ZC2HC1A: variants seen among roughly 807,000 people sequenced by gnomAD.
ZC2HC1A encodes the protein zinc finger C2HC domain-containing protein 1A.
Under a neutral mutation model 40.7 loss-of-function variants are expected in ZC2HC1A, and 28 were observed. That is an observed-to-expected ratio of 0.69 (90% CI 0.51 to 0.94). The LOEUF is 0.94. Ranked by LOEUF, ZC2HC1A falls within the 40% of genes least tolerant of loss-of-function variation. The probability of loss-of-function intolerance (pLI) is 0.00; values close to 1 mark genes in which losing one functional copy is unlikely to be tolerated. For missense variants in ZC2HC1A, 389 were observed against 386.3 expected (o/e 1.01, Z -0.06); for synonymous variants, 129 against 129.2 (o/e 1.00, Z 0.01).
Position 78,689,328 on chromosome 8 carries a change from A to AT in ZC2HC1A, c.463dup (p.Ser155PhefsTer16). On this transcript the variant is annotated frameshift_variant, in exon 5 of 9. Coordinates refer to ENST00000263849, the MANE Select transcript of ZC2HC1A (RefSeq NM_016010.3). LOFTEE classifies it high-confidence loss of function. The stretch of plus-strand genomic sequence containing the variant: ...CAGCACGTATTAGTAATAAAGGGAA[A>AT]TTTTCTACAGATACCAAAGGAAAAC... 1 of 1,603,638 alleles carries AT rather than the reference A, an allele frequency of 6.2e-7. No individual in the cohort carries two copies. The highest frequency in any genetic ancestry group is 2.3e-5 in the East Asian group (1 of 44,220).
intron 7 of ZC2HC1A, among the ~76,000 whole-genome samples, chr8:78,701,774 G>A (rs1160378041): frequency 3.3e-5 from 5 of 152,122 alleles, no homozygotes; most frequent in Non-Finnish European, 7.4e-5. Flanking sequence ...CTTTAATTTT[G>A]TTGTGATGAA....
chr8:78,702,187 G>A (rs1810626513), intron 7 of ZC2HC1A, among the ~76,000 whole-genome samples: 1 of 152,036 alleles, frequency 6.6e-6, no homozygotes, highest in Non-Finnish European at 1.5e-5. Context: ...TTTCTTCCTG[G>A]TTCAGTCTTG....
Position 78,668,870 on chromosome 8 carries a change from G to A in ZC2HC1A, c.16+2706G>A, listed in dbSNP as rs142049373. Among the ~76,000 whole-genome samples the A allele has an allele frequency of 1.3e-5, 2 of 151,532 alleles. 1 individual carries two copies. Among genetic ancestry groups the A allele is most frequent in the Non-Finnish European group, 3.0e-5 (2 of 67,672 alleles). On this transcript the variant is annotated intron_variant, in intron 1 of 8. Coordinates refer to ENST00000263849, the MANE Select transcript of ZC2HC1A (RefSeq NM_016010.3). Reference sequence around the variant, plus strand: ...AAAATGGAGAGATGGTAAAATCTAAGCAGATTTTATCCTTATATACAGTAT... The same window carrying A: ...AAAATGGAGAGATGGTAAAATCTAAACAGATTTTATCCTTATATACAGTAT...
At chr8:78,684,559 T>C (rs148538323) in intron 3 of ZC2HC1A, among the ~76,000 whole-genome samples, 2 of 152,278 alleles carry the variant, frequency 1.3e-5, no homozygotes, top group African/African-American at 2.4e-5. Flanking sequence ...TCAATAGATA[T>C]TTGAAAAGAC....
chr8:78,705,309 C>G (rs1810736037), intron 7 of ZC2HC1A, among the ~76,000 whole-genome samples: 1 of 152,154 alleles, frequency 6.6e-6, no homozygotes, highest in South Asian at 2.1e-4. Context: ...TTTTTTTGAA[C>G]AACTCTGGCT....
At chr8:78,698,838 C>T (rs918269642) in intron 7 of ZC2HC1A, among the ~76,000 whole-genome samples, 1 of 152,124 alleles carries the variant, frequency 6.6e-6, no homozygotes, top group African/African-American at 2.4e-5. Flanking sequence ...GTATCAGGCA[C>T]TGTGCTAGAC....
chr8:78,666,125 C>A lies in ZC2HC1A; in HGVS notation c.-24C>A. ...GTGGCGGGCGCTGCTGAAGGAGTCTCGCTGAGCTCGAGGAGGTGGCGCGAT... is the reference window on the plus strand; with the variant it reads ...GTGGCGGGCGCTGCTGAAGGAGTCTAGCTGAGCTCGAGGAGGTGGCGCGAT... On this transcript the variant is annotated 5_prime_UTR_variant, in exon 1 of 9. Coordinates refer to ENST00000263849, the MANE Select transcript of ZC2HC1A (RefSeq NM_016010.3). 7 of 1,564,422 alleles carry A rather than the reference C, an allele frequency of 4.5e-6. No individual in the cohort carries two copies. The highest frequency in any genetic ancestry group is 6.1e-6 in the Non-Finnish European group (7 of 1,154,456).
chr8:78,666,491 G>A (rs1563616153), intron 1 of ZC2HC1A, among the ~76,000 whole-genome samples: 1 of 152,160 alleles, frequency 6.6e-6, no homozygotes, highest in Non-Finnish European at 1.5e-5. Flanking sequence ...AGTGATCCCA[G>A]TCTCTGGCCA....
At chr8:78,714,506 C>G (rs1811038496) in intron 7 of ZC2HC1A, among the ~76,000 whole-genome samples, 1 of 152,106 alleles carries the variant, frequency 6.6e-6, no homozygotes, top group African/African-American at 2.4e-5. Context: ...CTCAGACTTG[C>G]TGTCACAAAG....
chr8:78,697,268 A>G, intron 5 of ZC2HC1A, 139 bp from the exon 6 acceptor site: 1 of 640,764 alleles, frequency 1.6e-6, no homozygotes, highest in South Asian at 2.3e-5. Context: ...TGCAACCATC[A>G]TCACCATTCA....
intron 1 of ZC2HC1A, among the ~76,000 whole-genome samples, chr8:78,668,768 C>T (rs1184432712): frequency 6.6e-6 from 1 of 152,140 alleles, no homozygotes; most frequent in Non-Finnish European, 1.5e-5. Context: ...TTGTGCCCCA[C>T]AAAATCTATC....
At chr8:78,716,188 T>C (rs1811095811) in intron 8 of ZC2HC1A, among the ~76,000 whole-genome samples, 1 of 151,488 alleles carries the variant, frequency 6.6e-6, no homozygotes, top group Non-Finnish European at 1.5e-5. Flanking sequence ...AGTGGCGCAA[T>C]CTCGGCTCAC....
At chr8:78,686,193 C>T (rs1161271382) in intron 3 of ZC2HC1A, among the ~76,000 whole-genome samples, 1 of 152,090 alleles carries the variant, frequency 6.6e-6, no homozygotes, top group African/African-American at 2.4e-5. Flanking sequence ...ACCACAGCAA[C>T]AGTCTTAGTG....
Position 78,718,394 on chromosome 8 carries a change from T to C in ZC2HC1A, c.*901T>C, listed in dbSNP as rs1337960801. On this transcript the variant is annotated 3_prime_UTR_variant, in exon 9 of 9. Coordinates refer to ENST00000263849, the MANE Select transcript of ZC2HC1A (RefSeq NM_016010.3). ...TTAAAAACATATAATTTTTTGTATC[T>C]GAATTTAGAATAAATCATTTTAATG... The C allele has an allele frequency of 6.6e-6, 1 of 151,980 alleles. No homozygotes were observed. The highest frequency in any genetic ancestry group is 2.4e-5 in the African/African-American group (1 of 41,456). The allele number at this position is 151,980 out of a possible 1,614,324, so 9.4% of individuals were successfully genotyped here.
chr8:78,708,583 A>G (rs1810855062), intron 7 of ZC2HC1A, among the ~76,000 whole-genome samples: 2 of 152,012 alleles, frequency 1.3e-5, no homozygotes, highest in Non-Finnish European at 2.9e-5. Context: ...AATCAAATCA[A>G]TTTCTAGGTC....
chr8:78,673,572 C>T (rs1410927087), intron 1 of ZC2HC1A, among the ~76,000 whole-genome samples: 1 of 152,158 alleles, frequency 6.6e-6, no homozygotes, highest in Non-Finnish European at 1.5e-5. Context: ...TCCTCTCCAA[C>T]ATCTGTTGTT....
intron 1 of ZC2HC1A, among the ~76,000 whole-genome samples, chr8:78,667,221 T>C (rs1314337107): frequency 6.6e-6 from 1 of 152,188 alleles, no homozygotes; most frequent in Non-Finnish European, 1.5e-5. Flanking sequence ...GCAGATGTAA[T>C]AACATGAGTA....
In ZC2HC1A at chr8:78,712,211, T is replaced by C. The variant is rs950011909; in HGVS notation, c.705-3010T>C. The C allele has an allele frequency of 1.1e-5, 6 of 529,018 alleles. No homozygotes were observed. The Admixed American group carries it at 1.8e-4, about 16-fold the overall frequency. 32.8% of individuals were successfully genotyped at this position (529,018 alleles called of 1,614,324 possible). A position where few individuals can be genotyped will look rare whatever the true frequency, so the allele number is the denominator to read the frequency against. ...TTACTGTCCTATACTTAAAAAAATC[T>C]GTTGAATAATTTCTAAGCCAAAATG... On this transcript the variant is annotated intron_variant, in intron 7 of 8. Transcript: ENST00000263849.
intron 5 of ZC2HC1A, among the ~76,000 whole-genome samples, chr8:78,689,608 C>T (rs111664814): frequency 8.6e-5 from 13 of 151,784 alleles, no homozygotes; most frequent in Admixed American, 3.3e-4. Context: ...TGTGGATATT[C>T]TATTGTCTTA....
Sources: allele counts gnomAD v4.1 joint callset (sites outside exome capture counted in the v4.1 genomes callset), GRCh38; gene constraint gnomAD v4.1.1; transcripts MANE v1.5; gene names NCBI Gene and HGNC (gene_info 2026-07-23, HGNC 2026-07-21).